The following CALN1 variants were observed in gnomAD, a reference collection of about 807,000 sequenced individuals.
CALN1 encodes the protein calneuron 1, also known as calcium-binding protein 8.
In CALN1, 17 loss-of-function variants were observed where a neutral mutation model predicts 30.6. That is an observed-to-expected ratio of 0.56 (90% CI 0.38 to 0.83). CALN1 has a LOEUF of 0.83. CALN1 is among the 40% of genes least tolerant of loss of function. The pLI is 0.00. For synonymous variants in CALN1, 156 were observed against 131.4 expected, an observed-to-expected ratio of 1.19 and a Z score of -1.28; for missense variants, 291 against 354.9, an observed-to-expected ratio of 0.82 and a Z score of 1.45.
chr7:72,344,240 C>G (rs1233369797), intron 2 of CALN1, among the ~76,000 whole-genome samples: 1 of 152,098 alleles, frequency 6.6e-6, no homozygotes, highest in African/African-American at 2.4e-5. Flanking sequence ...AAGCCACCCC[C>G]ACCATGGGCT....
the CALN1 span, among the ~76,000 whole-genome samples, chr7:72,500,865 T>C: frequency 1.3e-5 from 2 of 152,152 alleles, no homozygotes; most frequent in Non-Finnish European, 2.9e-5. Flanking sequence ...AATTGATTTT[T>C]TGCAAAATAA....
chr7:72,276,200 G>A (rs1797322683), intron 3 of CALN1, among the ~76,000 whole-genome samples: 1 of 152,178 alleles, frequency 6.6e-6, no homozygotes, highest in Non-Finnish European at 1.5e-5. Flanking sequence ...GGGACTCCCA[G>A]TCCCTCCTGC....
At chr7:71,807,001 G>A (rs1240608239) in intron 6 of CALN1, among the ~76,000 whole-genome samples, 2 of 152,210 alleles carry the variant, frequency 1.3e-5, no homozygotes, top group Non-Finnish European at 2.9e-5. Flanking sequence ...GTAACAGGAC[G>A]TCAGCAAGGG....
intron 5 of CALN1, among the ~76,000 whole-genome samples, chr7:71,995,174 G>A (rs844739): frequency 0.012 from 1,851 of 152,168 alleles, 42 homozygotes; most frequent in African/African-American, 0.042. Context: ...TTTTTATTAC[G>A]CACATGGGTT....
At chr7:72,397,871 A>C (rs1422008105) in intron 2 of CALN1, among the ~76,000 whole-genome samples, 1 of 152,160 alleles carries the variant, frequency 6.6e-6, no homozygotes, top group Admixed American at 6.5e-5. Flanking sequence ...TAGCCCTTCC[A>C]TTATAAGCCA....
chr7:72,210,887 G>A (rs1562742879), intron 3 of CALN1, among the ~76,000 whole-genome samples: 1 of 151,208 alleles, frequency 6.6e-6, no homozygotes, highest in African/African-American at 2.4e-5. Context: ...CCGGTCTCCA[G>A]AAAAAAATTA....
chr7:72,296,292 A>G (rs577527027), intron 2 of CALN1, among the ~76,000 whole-genome samples: 4 of 146,120 alleles, frequency 2.7e-5, no homozygotes, highest in East Asian at 4.0e-4. Flanking sequence ...TTTTTGCATC[A>G]ATGTTCATCA....
chr7:71,987,818 G>A (rs754661408), intron 5 of CALN1, among the ~76,000 whole-genome samples: 1 of 152,180 alleles, frequency 6.6e-6, no homozygotes, highest in Admixed American at 6.5e-5. Context: ...TCTAAGGACA[G>A]GCTCTAGAGT....
intron 3 of CALN1, among the ~76,000 whole-genome samples, chr7:72,127,467 T>C (rs944951826): frequency 1.3e-5 from 2 of 152,128 alleles, no homozygotes; most frequent in African/African-American, 4.8e-5. Context: ...CTGACTTGTG[T>C]ATTAAAAAGA....
intron 2 of CALN1, among the ~76,000 whole-genome samples, chr7:72,345,847 ATC>A (rs1165870596): frequency 6.6e-6 from 1 of 152,314 alleles, no homozygotes; most frequent in African/African-American, 2.4e-5. Flanking sequence ...GAAAAGTTAA[ATC>A]TCTCTGAGAG....
chr7:72,288,207 T>C (rs1451823001), intron 2 of CALN1, among the ~76,000 whole-genome samples: 1 of 152,066 alleles, frequency 6.6e-6, no homozygotes, highest in Non-Finnish European at 1.5e-5. Flanking sequence ...TCACATAGCT[T>C]TGTTCACGTG....
At chr7:72,094,182 G>A (rs1369371488) in intron 4 of CALN1, among the ~76,000 whole-genome samples, 2 of 152,222 alleles carry the variant, frequency 1.3e-5, no homozygotes, top group Non-Finnish European at 2.9e-5. Flanking sequence ...TGGGGAATAG[G>A]TGTAACAATG....
chr7:72,269,288 A>C (rs1796810036), intron 3 of CALN1, among the ~76,000 whole-genome samples: 1 of 152,072 alleles, frequency 6.6e-6, no homozygotes, highest in South Asian at 2.1e-4. Context: ...TACATGTGCC[A>C]TGTTGGTGTG....
At chr7:71,837,241 G>GCC (rs1464005728) in intron 5 of CALN1, among the ~76,000 whole-genome samples, 138 of 2,846 alleles carry the variant, frequency 0.048, no homozygotes, top group Non-Finnish European at 0.07. Context: ...CAAAAAAAAA[G>GCC]ACAAAAAAAA....
intron 1 of CALN1, among the ~76,000 whole-genome samples, chr7:72,441,665 G>A (rs980579509): frequency 2.0e-5 from 3 of 151,684 alleles, no homozygotes; most frequent in Admixed American, 1.3e-4. Flanking sequence ...GAGAGACGAG[G>A]ACGTAGAATG....
chr7:72,289,478 T>C (rs1006225970), intron 2 of CALN1, among the ~76,000 whole-genome samples: 3 of 152,224 alleles, frequency 2.0e-5, no homozygotes, highest in Non-Finnish European at 4.4e-5. Flanking sequence ...TACTGGTAAA[T>C]GTTTAGCACT....
intron 5 of CALN1, among the ~76,000 whole-genome samples, chr7:71,841,081 A>G (rs935490361): frequency 6.6e-6 from 1 of 152,192 alleles, no homozygotes; most frequent in African/African-American, 2.4e-5. Flanking sequence ...TTCCAAACTG[A>G]GTTAGGTAAC....
At chr7:72,272,593 A>G (rs899340484) in intron 3 of CALN1, among the ~76,000 whole-genome samples, 3 of 152,072 alleles carry the variant, frequency 2.0e-5, no homozygotes, top group African/African-American at 7.2e-5. Context: ...AAAAAGAAAT[A>G]TTAATTTTGA....
intron 2 of CALN1, among the ~76,000 whole-genome samples, chr7:72,289,119 G>A (rs545658251): frequency 7.2e-4 from 110 of 152,300 alleles, no homozygotes; most frequent in African/African-American, 2.5e-3. Context: ...CTTAAAAAAT[G>A]TTTTGTTGCT....
Sources: gnomAD v4.1 joint callset for allele counts (sites outside exome capture counted in the v4.1 genomes callset) on GRCh38, gnomAD v4.1.1 for gene constraint, MANE v1.5 for transcripts, NCBI Gene and HGNC (gene_info 2026-07-23, HGNC 2026-07-21) for gene names.